DLGAP1: variants seen among roughly 807,000 people sequenced by gnomAD.
DLGAP1 encodes DLG associated protein 1.
In DLGAP1, 11 loss-of-function variants were observed where a neutral mutation model predicts 90.8. That is an observed-to-expected ratio of 0.12 (90% CI 0.08 to 0.20). The LOEUF (loss-of-function observed/expected upper bound fraction) is 0.20. Among genes scored for constraint, DLGAP1 ranks in the 10% least tolerant of loss-of-function variants. The pLI is 1.00. For synonymous variants in DLGAP1, 558 were observed against 540.7 expected (o/e 1.03, Z -0.44); for missense variants, 1,050 against 1,333.8 (o/e 0.79, Z 3.31).
chr18:3,712,407 T>G (rs1022647884), intron 7 of DLGAP1, among the ~76,000 whole-genome samples: 1 of 146,904 alleles, frequency 6.8e-6, no homozygotes, highest in Non-Finnish European at 1.6e-5. Context: ...GGCCGAGGCC[T>G]AGATACCCAG....
Position 3,907,255 on chromosome 18 carries a change from A to T in DLGAP1, c.-72-27115T>A, listed in dbSNP as rs370428933. The stretch of plus-strand genomic sequence containing the variant: ...GCACTACAGTAATATATTCTACTCT[A>T]TTTGATCTTTCCTAGCCTATATCCT... On this transcript the variant is annotated intron_variant, in intron 3 of 12. Transcript: ENST00000315677. 7.9e-5 allele frequency among the ~76,000 whole-genome samples: 12 copies of T among 152,210 alleles called. No homozygotes were observed. In the South Asian group the frequency reaches 2.5e-3, roughly 32 times the overall value.
chr18:3,889,874 T>C (rs1333351442), intron 3 of DLGAP1, among the ~76,000 whole-genome samples: 5 of 152,172 alleles, frequency 3.3e-5, no homozygotes, highest in Non-Finnish European at 7.4e-5. Flanking sequence ...GCGTTAGCCA[T>C]GGGCCCTACA....
intron 1 of DLGAP1, among the ~76,000 whole-genome samples, chr18:4,172,975 T>C (rs1191531215): frequency 1.3e-5 from 2 of 152,206 alleles, no homozygotes; most frequent in African/African-American, 2.4e-5. Context: ...TTTCTTGCAA[T>C]GTTAGAGAAC....
chr18:3,915,498 T>A (rs1349175069), intron 3 of DLGAP1, among the ~76,000 whole-genome samples: 1 of 152,284 alleles, frequency 6.6e-6, no homozygotes, highest in South Asian at 2.1e-4. Context: ...GGAACAAAGA[T>A]GGAAGCTGCT....
At chr18:3,980,059 G>A (rs778179712) in intron 3 of DLGAP1, among the ~76,000 whole-genome samples, 7 of 152,194 alleles carry the variant, frequency 4.6e-5, no homozygotes, top group East Asian at 3.9e-4. Flanking sequence ...TTGCTTTTAC[G>A]TGGGAGGTGG....
intron 6 of DLGAP1, among the ~76,000 whole-genome samples, chr18:3,737,077 G>T (rs2062676520): frequency 1.3e-5 from 2 of 148,214 alleles, no homozygotes; most frequent in Non-Finnish European, 1.5e-5. Flanking sequence ...CCAGGAAGAA[G>T]TTGAATCTCT....
chr18:4,016,042 C>CTGAA lies in DLGAP1; in HGVS notation c.-158-10845_-158-10842dup, dbSNP rs1302235067. Among the ~76,000 whole-genome samples the CTGAA allele has an allele frequency of 3.9e-5, 6 of 152,314 alleles. No homozygotes were observed. In the South Asian group the frequency reaches 1.2e-3, roughly 32 times the overall value. On this transcript the variant is annotated intron_variant, in intron 2 of 12. Transcript: ENST00000315677. Reference sequence around the variant, plus strand: ...ATTCATTAATTTTCCAACTTTAAGACTGAAGAGTAATGAACACATGCTATC... The same window carrying CTGAA: ...ATTCATTAATTTTCCAACTTTAAGACTGAATGAAGAGTAATGAACACATGCTATC...
intron 3 of DLGAP1, among the ~76,000 whole-genome samples, chr18:3,911,075 A>G (rs774183966): frequency 1.3e-5 from 2 of 152,200 alleles, no homozygotes; most frequent in Non-Finnish European, 2.9e-5. Context: ...GTACAAACAG[A>G]GCAAATTCCT....
In DLGAP1 at chr18:4,177,205, C is replaced by T. The variant is rs1229148353; in HGVS notation, c.-266-25918G>A. On this transcript the variant is annotated intron_variant, in intron 1 of 12. Transcript: ENST00000315677. Reference sequence around the variant, plus strand: ...ACTGTTTGATTCTTCAGTATATGCCCCTTGCAAATCTTCCCTTTCTCACTT... The same window carrying T: ...ACTGTTTGATTCTTCAGTATATGCCTCTTGCAAATCTTCCCTTTCTCACTT... Among the ~76,000 whole-genome samples, 3 of 152,140 alleles carry T rather than the reference C, an allele frequency of 2.0e-5. No individual in the cohort carries two copies. In the East Asian group the frequency reaches 5.8e-4, roughly 29 times the overall value.
At chr18:3,637,149 T>C (rs1039741842) in intron 7 of DLGAP1, among the ~76,000 whole-genome samples, 5 of 152,134 alleles carry the variant, frequency 3.3e-5, no homozygotes, top group Admixed American at 2.0e-4. Context: ...GCAACAGTGA[T>C]ACCCCATCCT....
intron 7 of DLGAP1, chr18:3,607,497 C>T (rs2057379873): frequency 6.6e-6 from 1 of 152,060 alleles, no homozygotes. Flanking sequence ...ATATGATTAC[C>T]ACATAAAAAA....
chr18:3,889,032 AG>A (rs928791484), intron 3 of DLGAP1, among the ~76,000 whole-genome samples: 56 of 152,260 alleles, frequency 3.7e-4, no homozygotes, highest in African/African-American at 1.2e-3. Flanking sequence ...GTGCTGCAGC[AG>A]GGGGACAGCC....
At chr18:3,848,186 T>C (rs959158009) in intron 4 of DLGAP1, among the ~76,000 whole-genome samples, 2 of 103,946 alleles carry the variant, frequency 1.9e-5, no homozygotes, top group Non-Finnish European at 4.1e-5. Context: ...CAAAAAAGAC[T>C]TTTTAAAAGA....
chr18:3,835,904 T>C (rs1238767694), intron 4 of DLGAP1, among the ~76,000 whole-genome samples: 1 of 152,202 alleles, frequency 6.6e-6, no homozygotes. Context: ...CAATTATTTA[T>C]TGTGTGTCTG....
At chr18:3,534,688 TTC>T in intron 9 of DLGAP1, 73 bp from the exon 10 acceptor site, 3 of 1,332,074 alleles carry the variant, frequency 2.3e-6, no homozygotes, top group Non-Finnish European at 2.0e-6. Context: ...CTTCCTTCCT[TTC>T]TTTCTTTTTT....
At chr18:3,535,510 C>A (rs1246600943) in intron 9 of DLGAP1, among the ~76,000 whole-genome samples, 2 of 151,046 alleles carry the variant, frequency 1.3e-5, no homozygotes, top group Admixed American at 6.6e-5. Flanking sequence ...GATCGAGACC[C>A]TCCTGGCTAA....
chr18:3,536,054 A>G (rs1179705925), intron 9 of DLGAP1, among the ~76,000 whole-genome samples: 1 of 151,938 alleles, frequency 6.6e-6, no homozygotes, highest in African/African-American at 2.4e-5. Context: ...AAGAAATGGG[A>G]AAAACATAAC....
intron 1 of DLGAP1, among the ~76,000 whole-genome samples, chr18:4,413,894 C>T (rs1186549763): frequency 3.9e-5 from 6 of 152,222 alleles, no homozygotes; most frequent in East Asian, 1.9e-4. Context: ...TTCAAGAAAA[C>T]GGTTTTTGGA....
chr18:3,676,031 T>C (rs2060285786), intron 7 of DLGAP1, among the ~76,000 whole-genome samples: 1 of 152,214 alleles, frequency 6.6e-6, no homozygotes, highest in African/African-American at 2.4e-5. Context: ...CTATTTGTTT[T>C]CCTTTTAATG....
Sources: allele counts gnomAD v4.1 joint callset (sites outside exome capture counted in the v4.1 genomes callset), GRCh38; gene constraint gnomAD v4.1.1; transcripts MANE v1.5; gene names NCBI Gene and HGNC (gene_info 2026-07-23, HGNC 2026-07-21).